The following PTH2R variants were observed in gnomAD, a reference collection of about 807,000 sequenced individuals.
The protein encoded by PTH2R is parathyroid hormone 2 receptor, also known as PTH2 receptor.
A neutral mutation model predicts 60.3 loss-of-function variants in PTH2R; 59 were observed. The ratio of observed to expected loss-of-function variants is 0.98; its 90% confidence interval spans 0.79 to 1.22. PTH2R has a LOEUF of 1.22. Ranked by LOEUF, PTH2R falls within the 50% of genes most tolerant of loss-of-function variation. The pLI is 0.00. For missense variants in PTH2R, 749 were observed against 682.6 expected (o/e 1.10, Z -1.08); for synonymous variants, 256 against 243.8 (o/e 1.05, Z -0.47).
At chr2:208,462,352 G>T (rs1157265826) in intron 9 of PTH2R, among the ~76,000 whole-genome samples, 1 of 152,196 alleles carries the variant, frequency 6.6e-6, no homozygotes, top group Non-Finnish European at 1.5e-5. Context: ...ATTCAGAAGA[G>T]GGGAATATCT....
intron 7 of PTH2R, among the ~76,000 whole-genome samples, chr2:208,448,479 T>C (rs1285189879): frequency 6.6e-6 from 1 of 151,182 alleles, no homozygotes; most frequent in African/African-American, 2.4e-5. Context: ...TGAAACCCCG[T>C]CTCTACTAGC....
rs533993833 is a variant in PTH2R at position 208,433,385 on chromosome 2, G to A, written c.179-4152G>A. On this transcript the variant is annotated intron_variant, in intron 2 of 12. Transcript: ENST00000272847. ...CTTTACTTTAAAATTGTAAAACACT[G>A]GAATGACATTTTGAATTCACTAGCT... is the stretch of plus-strand genomic sequence containing the variant. Among the ~76,000 whole-genome samples the A allele has an allele frequency of 6.6e-5, 10 of 152,264 alleles. No homozygotes were observed. In the East Asian group the frequency reaches 1.9e-3, roughly 29 times the overall value.
At position 208,407,026 on chromosome 2, in the gene PTH2R, C is replaced by G; in HGVS notation, c.-18C>G. On this transcript the variant is annotated 5_prime_UTR_variant, in exon 1 of 13. Coordinates refer to ENST00000272847, the MANE Select transcript of PTH2R (RefSeq NM_005048.4). ...CTCTGGAGGAGGGTCCCTGCTTCTT[C>G]CTACAGCCGTTCCGGGCATGGCCGG... 7.2e-7 allele frequency: 1 copy of G among 1,389,896 alleles called. No individual in the cohort carries two copies. Among genetic ancestry groups the G allele is most frequent in the Non-Finnish European group, 9.4e-7 (1 of 1,066,826 alleles). The allele number at this position is 1,389,896 out of a possible 1,614,324, so 86.1% of individuals were successfully genotyped here. A position where few individuals can be genotyped will look rare whatever the true frequency, so the allele number is the denominator to read the frequency against.
intron 1 of PTH2R, among the ~76,000 whole-genome samples, chr2:208,422,637 T>C (rs1701779037): frequency 6.6e-6 from 1 of 152,182 alleles, no homozygotes; most frequent in African/African-American, 2.4e-5. Context: ...TTGTGGTTTT[T>C]TTAAGTGAGA....
At chr2:208,447,604 G>GT (rs1702313630) in intron 7 of PTH2R, among the ~76,000 whole-genome samples, 2 of 72,670 alleles carry the variant, frequency 2.8e-5, no homozygotes, top group Non-Finnish European at 5.7e-5. Flanking sequence ...AAAACAAAAA[G>GT]AAAAATAAAT....
At chr2:208,490,325 C>T (rs1428938424) in intron 11 of PTH2R, among the ~76,000 whole-genome samples, 2 of 152,016 alleles carry the variant, frequency 1.3e-5, no homozygotes, top group Non-Finnish European at 2.9e-5. Flanking sequence ...CTTCCTCTTA[C>T]CAAGCAGAGG....
chr2:208,489,271 G>A (rs1481779489), intron 11 of PTH2R, 121 bp downstream of exon 11: 1 of 1,290,548 alleles, frequency 7.7e-7, no homozygotes, highest in Non-Finnish European at 1.1e-6. Context: ...GGGAGTTGGG[G>A]GGTGCAGAAA....
At chr2:208,427,628 G>GC (rs1701883938) in intron 1 of PTH2R, among the ~76,000 whole-genome samples, 1 of 151,958 alleles carries the variant, frequency 6.6e-6, no homozygotes, top group Non-Finnish European at 1.5e-5. Context: ...ACCCAGCTAC[G>GC]CATCTCCCAA....
At chr2:208,424,789 A>G (rs1027421155) in intron 1 of PTH2R, among the ~76,000 whole-genome samples, 6 of 152,198 alleles carry the variant, frequency 3.9e-5, no homozygotes, top group African/African-American at 7.2e-5. Flanking sequence ...TGTTGGTTCC[A>G]TAAGTATTGG....
Position 208,493,817 on chromosome 2 carries a change from C to T in PTH2R, c.*158C>T, listed in dbSNP as rs1703468993. The stretch of plus-strand genomic sequence containing the variant: ...CTCCATGAATTGGCTCCTGTAAATA[C>T]TAACGACATGAAAATGCAAGTGTCA... On this transcript the variant is annotated 3_prime_UTR_variant, in exon 13 of 13. Transcript: ENST00000272847. 2.9e-6 allele frequency: 2 copies of T among 696,300 alleles called. No homozygotes were observed. The highest frequency in any genetic ancestry group is 4.4e-6 in the Non-Finnish European group (2 of 459,580). 43.1% of individuals were successfully genotyped at this position (696,300 alleles called of 1,614,324 possible). A position where few individuals can be genotyped will look rare whatever the true frequency, so the allele number is the denominator to read the frequency against.
At chr2:208,460,289 G>GT (rs1315870877) in intron 9 of PTH2R, among the ~76,000 whole-genome samples, 14 of 152,224 alleles carry the variant, frequency 9.2e-5, no homozygotes, top group African/African-American at 3.4e-4. Flanking sequence ...TTAACATTCT[G>GT]ATCACCTGGT....
At chr2:208,468,689 C>T (rs16841242) in intron 9 of PTH2R, among the ~76,000 whole-genome samples, 7,002 of 152,160 alleles carry the variant, frequency 0.046, 324 homozygotes, top group African/African-American at 0.11. Context: ...ACCTTGATGC[C>T]GTCCAATCTA....
At chr2:208,478,369 G>A (rs1703067124) in intron 9 of PTH2R, among the ~76,000 whole-genome samples, 3 of 152,066 alleles carry the variant, frequency 2.0e-5, no homozygotes, top group Admixed American at 2.0e-4. Context: ...GTGCTGGGGG[G>A]AGTCCTTATC....
chr2:208,465,241 G>C (rs540878749), intron 9 of PTH2R, among the ~76,000 whole-genome samples: 1 of 151,982 alleles, frequency 6.6e-6, no homozygotes, highest in African/African-American at 2.4e-5. Flanking sequence ...CTCCCATAGT[G>C]CTGGTATTAC....
At chr2:208,364,927 C>T (rs377438492) in intron 1 of PTH2R, among the ~76,000 whole-genome samples, 10 of 152,036 alleles carry the variant, frequency 6.6e-5, no homozygotes, top group East Asian at 1.9e-4. Flanking sequence ...GCCATTGCAA[C>T]GGGAATCATT....
chr2:208,452,476 A>G (rs994619162), intron 8 of PTH2R, among the ~76,000 whole-genome samples: 3 of 152,184 alleles, frequency 2.0e-5, no homozygotes, highest in African/African-American at 7.2e-5. Flanking sequence ...TCCTTCCATT[A>G]ATCCTAGCTT....
chr2:208,398,568 T>G (rs1333210218), intron 1 of PTH2R, among the ~76,000 whole-genome samples: 2 of 152,188 alleles, frequency 1.3e-5, no homozygotes, highest in Non-Finnish European at 2.9e-5. Flanking sequence ...ATGAAAAGCT[T>G]CTTTAGGGGC....
At chr2:208,442,857 A>G (rs1275841041) in intron 5 of PTH2R, among the ~76,000 whole-genome samples, 7 of 152,174 alleles carry the variant, frequency 4.6e-5, no homozygotes, top group Admixed American at 3.3e-4. Context: ...TTTATTTTTT[A>G]TCCACTTTAA....
intron 10 of PTH2R, among the ~76,000 whole-genome samples, chr2:208,481,401 A>C (rs1175277261): frequency 6.6e-6 from 1 of 151,802 alleles, no homozygotes; most frequent in Non-Finnish European, 1.5e-5. Flanking sequence ...AGTAGAGATG[A>C]GGTTTTGCCC....
Sources: allele counts gnomAD v4.1 joint callset (sites outside exome capture counted in the v4.1 genomes callset), GRCh38; gene constraint gnomAD v4.1.1; transcripts MANE v1.5; gene names NCBI Gene and HGNC (gene_info 2026-07-23, HGNC 2026-07-21).